Variants in PAN2 observed in about 807,000 individuals in gnomAD.
PAN2 encodes the protein poly(A) specific ribonuclease subunit PAN2, also known as PAN2-PAN3 deadenylation complex catalytic subunit PAN2.
In PAN2, 68 loss-of-function variants were observed where a neutral mutation model predicts 133.3. The observed-to-expected ratio is 0.51, with a 90% CI of 0.42 to 0.62. The LOEUF (loss-of-function observed/expected upper bound fraction) is 0.62. PAN2 is among the 20% of genes least tolerant of loss of function. The probability of loss-of-function intolerance (pLI) is 0.00; values close to 1 mark genes in which losing one functional copy is unlikely to be tolerated. For synonymous variants in PAN2, 462 were observed against 544.6 expected (o/e 0.85, Z 2.11); for missense variants, 1,042 against 1,500.5 (o/e 0.69, Z 5.05).
intron 14 of PAN2, 54 bp from the exon 15 acceptor site, chr12:56,323,652 T>G (rs1874806543): frequency 3.2e-6 from 5 of 1,544,436 alleles, no homozygotes; most frequent in Non-Finnish European, 4.5e-6. Flanking sequence ...AAAAGGAGTC[T>G]GGACAGGGAC....
chr12:56,324,544 C>T, intron 11 of PAN2, 37 bp downstream of exon 11: 4 of 1,612,278 alleles, frequency 2.5e-6, no homozygotes, highest in Non-Finnish European at 3.4e-6. Context: ...TGTCCACCTT[C>T]CTTCCCCTTC....
At chr12:56,327,714 C>T (rs1374908819) in intron 5 of PAN2, 83 bp from the exon 6 acceptor site, 1 of 1,475,820 alleles carries the variant, frequency 6.8e-7, no homozygotes, top group Non-Finnish European at 9.3e-7. Context: ...GGGGTCCCTA[C>T]CAAAGGAACT....
Position 56,322,717 on chromosome 12 carries a change from C to T in PAN2, c.2535G>A (p.Val845=). The T allele has an allele frequency of 2.5e-6, 4 of 1,614,090 alleles. No individual in the cohort carries two copies. Among genetic ancestry groups the T allele is most frequent in the African/African-American group, 1.3e-5 (1 of 75,026 alleles). The part of the protein sequence containing the change: ...ARAEEEHGVY[V]YDLMATVVHI... ...GTACCACAGTAGCCATCAGGTCATA[C>T]ACATAGACACCATGCTCCTCCTCTG... The change falls in exon 18 of 26, where the codon GTG becomes GTA. Residue 845 remains valine, a synonymous_variant. Transcript: ENST00000440411.
intron 25 of PAN2, 108 bp downstream of exon 25, chr12:56,318,129 A>G (rs1159686120): frequency 3.3e-6 from 3 of 900,558 alleles, no homozygotes; most frequent in African/African-American, 1.6e-5. Context: ...GTGAGCTGTA[A>G]TCACGCTACT....
intron 25 of PAN2, 127 bp downstream of exon 25, chr12:56,318,110 G>A (rs1194034684): frequency 6.6e-6 from 5 of 760,312 alleles, no homozygotes; most frequent in African/African-American, 3.4e-5. Context: ...CCAGGAAGTC[G>A]AGGCTGCAGT....
chr12:56,326,457 G>A (rs977942864), intron 7 of PAN2, 48 bp from the exon 8 acceptor site: 9 of 1,539,910 alleles, frequency 5.8e-6, no homozygotes, highest in Non-Finnish European at 7.0e-6. Context: ...GGTGTACACT[G>A]GTCCACTCCC....
In PAN2 at chr12:56,319,269, C is replaced by A; in HGVS notation, c.3270+39G>T. On this transcript the variant is annotated intron_variant, in intron 23 of 25. Transcript: ENST00000440411. The surrounding 1 kb of genome is among the most constrained non-coding windows in gnomAD (Gnocchi z 5.4). ...GGCACAATGTATACCCTGAGGGGCC[C>A]ACTCTCACAAGAAGACTCTTAAAAG... 1 of 1,611,560 alleles carries A rather than the reference C, an allele frequency of 6.2e-7. No individual in the cohort carries two copies.
In PAN2 at chr12:56,317,143, T is replaced by G. The variant is rs1471897008; in HGVS notation, c.*466A>C. The G allele has an allele frequency of 4.5e-5, 7 of 154,932 alleles. No homozygotes were observed. Among genetic ancestry groups the G allele is most frequent in the Admixed American group, 4.5e-4 (7 of 15,528 alleles). 9.6% of individuals were successfully genotyped at this position (154,932 alleles called of 1,614,324 possible). On this transcript the variant is annotated 3_prime_UTR_variant, in exon 26 of 26. Coordinates refer to ENST00000440411, the MANE Select transcript of PAN2 (RefSeq NM_014871.6). ...TGGCAATGGTATTGGCAACACTGGT[T>G]TGCTTGGGCCACCAACACTCTACTT...
rs748568626 is a variant in PAN2, at chr12:56,324,989, C to G, written c.1599+20G>C. 6.2e-7 allele frequency: 1 copy of G among 1,612,570 alleles called. No individual in the cohort carries two copies. ...AAAAGCAGCAGGCACGTTCAAGTTA[C>G]AGGAATACCCAACCCTTACCTGGAT... On this transcript the variant is annotated intron_variant, in intron 10 of 25. Coordinates refer to ENST00000440411, the MANE Select transcript of PAN2 (RefSeq NM_014871.6).
chr12:56,323,942 G>C lies in PAN2; in HGVS notation c.2066-29C>G, dbSNP rs766776976. On this transcript the variant is annotated intron_variant, in intron 13 of 25. Coordinates refer to ENST00000440411, the MANE Select transcript of PAN2 (RefSeq NM_014871.6). ...AGGGAAAATTAGATGCTATACTCCT[G>C]GTTCTCCCCTCTACCCACAGTTAGT... 3.7e-6 allele frequency: 6 copies of C among 1,603,480 alleles called. No individual in the cohort carries two copies. In the Admixed American group the frequency reaches 1.0e-4, roughly 27 times the overall value.
intron 2 of PAN2, among the ~76,000 whole-genome samples, chr12:56,329,942 TAA>T (rs11304868): frequency 0.049 from 6,442 of 130,154 alleles, 314 homozygotes; most frequent in Non-Finnish European, 0.072. Flanking sequence ...AGATTCCACC[TAA>T]AAAAAAAAAA....
Position 56,327,240 on chromosome 12 carries a change from T to C in PAN2, c.919+124A>G, listed in dbSNP as rs572039876. ...TCTCTGGCCAAACCCAAGTAAAACCTTGGGACCCTGATGAAAGGTTACTTC... is the reference window on the plus strand; with the variant it reads ...TCTCTGGCCAAACCCAAGTAAAACCCTGGGACCCTGATGAAAGGTTACTTC... On this transcript the variant is annotated intron_variant, in intron 6 of 25. Transcript: ENST00000440411. 1.3e-5 allele frequency: 14 copies of C among 1,084,440 alleles called. No homozygotes were observed. In the East Asian group the frequency reaches 2.6e-4, roughly 20 times the overall value. 67.2% of individuals were successfully genotyped at this position (1,084,440 alleles called of 1,614,324 possible).
chr12:56,332,997 A>T lies in PAN2; in HGVS notation c.98T>A (p.Leu33Gln), dbSNP rs1314597057. 1 of 1,614,210 alleles carries T rather than the reference A, an allele frequency of 6.2e-7. No individual in the cohort carries two copies. Among genetic ancestry groups the T allele is most frequent in the South Asian group, 1.1e-5 (1 of 91,086 alleles). ...PVLDAHLNPS[L>Q]LQNVELDPEG... ...TGGGTCCAGCTCCACATTCTGTAGC[A>T]GACTTGGGTTCAGGTGGGCATCCAA... The change falls in exon 2 of 26, where the codon CTG (leucine) becomes CAG (glutamine). Residue 33 changes from leucine to glutamine, a missense_variant. Around this residue, in one of 3 missense-constraint regions of PAN2, gnomAD observed 908 missense variants for 1,223.5 expected, o/e 0.74. Coordinates refer to ENST00000440411, the MANE Select transcript of PAN2 (RefSeq NM_014871.6).
At position 56,320,823 on chromosome 12, in the gene PAN2, G is replaced by A. The variant is rs1592431464; in HGVS notation, c.2789-802C>T. ...CTCACGCCTGTAAACCCAGCACTTT[G>A]GAAGGCCAAGGAGGGTGGATCACGA... On this transcript the variant is annotated intron_variant, in intron 20 of 25. Coordinates refer to ENST00000440411, the MANE Select transcript of PAN2 (RefSeq NM_014871.6). Among the ~76,000 whole-genome samples the A allele has an allele frequency of 2.0e-5, 3 of 146,468 alleles. No individual in the cohort carries two copies. In the South Asian group the frequency reaches 6.6e-4, roughly 32 times the overall value.
At chr12:56,320,127 C>T in intron 20 of PAN2, 106 bp from the exon 21 acceptor site, 1 of 1,009,836 alleles carries the variant, frequency 9.9e-7, no homozygotes, top group Non-Finnish European at 1.5e-6. Context: ...TGTGATCCCT[C>T]AATAATCAAA....
rs1407934348 is a variant in PAN2, at chr12:56,323,672, C to T, written c.2173-74G>A. ...GAGTCTGGACAGGGACCTGGGTCTGCGTCTTCAAACTGGGATTCCTCACTC... is the reference window on the plus strand; with the variant it reads ...GAGTCTGGACAGGGACCTGGGTCTGTGTCTTCAAACTGGGATTCCTCACTC... On this transcript the variant is annotated intron_variant, in intron 14 of 25. Coordinates refer to ENST00000440411, the MANE Select transcript of PAN2 (RefSeq NM_014871.6). 64 of 1,479,828 alleles carry T rather than the reference C, an allele frequency of 4.3e-5. 1 individual carries two copies. The Middle Eastern group carries it at 2.7e-3, about 63-fold the overall frequency. The allele number at this position is 1,479,828 out of a possible 1,614,324, so 91.7% of individuals were successfully genotyped here.
chr12:56,327,631 C>T lies in PAN2; in HGVS notation c.652G>A (p.Val218Ile). 1 of 1,603,740 alleles carries T rather than the reference C, an allele frequency of 6.2e-7. No homozygotes were observed. Among genetic ancestry groups the T allele is most frequent in the Non-Finnish European group, 8.5e-7 (1 of 1,176,090 alleles). Reference sequence around the variant, plus strand: ...AAAGTACGGAGGTCTCTCAGGGAAACCTAGAAAAAAAAAATTCAGTTATCT... The same window carrying T: ...AAAGTACGGAGGTCTCTCAGGGAAATCTAGAAAAAAAAAATTCAGTTATCT... ...FFFCGHTSGK[V>I]SLRDLRTFKV... is the part of the protein sequence containing the mutation. Residue 218 changes from valine (V) to isoleucine (I), a missense_variant and splice_region_variant, in exon 6 of 26, where the codon GTT (valine) becomes ATT (isoleucine). Transcript: ENST00000440411.
intron 20 of PAN2, 36 bp from the exon 21 acceptor site, chr12:56,320,057 T>C (rs1164403641): frequency 6.2e-7 from 1 of 1,609,950 alleles, no homozygotes; most frequent in Non-Finnish European, 8.5e-7. Context: ...AGGGCTTGGA[T>C]AGGGAAGTGA....
intron 14 of PAN2, 63 bp downstream of exon 14, chr12:56,323,744 G>A (rs1379265467): frequency 2.8e-6 from 4 of 1,448,700 alleles, no homozygotes; most frequent in Non-Finnish European, 3.9e-6. Flanking sequence ...AGCCCCACAT[G>A]GGATAGTGGC....
Sources: gnomAD v4.1 joint callset for allele counts (sites outside exome capture counted in the v4.1 genomes callset) on GRCh38, gnomAD v4.1.1 for gene constraint, gnomAD v4.1.1 regional missense constraint, Gnocchi (gnomAD v3.1) non-coding constraint, MANE v1.5 for transcripts, NCBI Gene and HGNC (gene_info 2026-07-23, HGNC 2026-07-21) for gene names.